The following EFHC2 variants were observed in gnomAD, a reference collection of about 807,000 sequenced individuals.
The protein encoded by EFHC2 is EF-hand domain containing 2, also known as EF-hand domain-containing family member C2.
EFHC2 carries 18 observed loss-of-function variants against 52.7 expected under a neutral mutation model. The observed-to-expected ratio is 0.34, with a 90% CI of 0.24 to 0.51. EFHC2 has a LOEUF of 0.51. EFHC2 is among the 20% of genes least tolerant of loss of function. The pLI is 0.97. For synonymous variants in EFHC2, 203 were observed against 204.1 expected (o/e 0.99, Z 0.04); for missense variants, 513 against 562.5 (o/e 0.91, Z 0.89).
At chrX:44,209,525 A>ATT (rs2037078481) in intron 11 of EFHC2, among the ~76,000 whole-genome samples, 1 of 111,497 alleles carries the variant, frequency 9.0e-6, no homozygotes, top group African/African-American at 3.3e-5. Context: ...ATTTCTATAT[A>ATT]TTAGCAATAT....
chrX:44,207,531 G>A (rs897213042), intron 11 of EFHC2, among the ~76,000 whole-genome samples: 1 of 111,124 alleles, frequency 9.0e-6, no homozygotes, highest in African/African-American at 3.3e-5. Context: ...AAAAAGAAAG[G>A]CTTAAATGTA....
chrX:44,166,409 T>C (rs959503584), intron 13 of EFHC2, among the ~76,000 whole-genome samples: 9 of 111,488 alleles, frequency 8.1e-5, no homozygotes, highest in South Asian at 3.9e-4. Flanking sequence ...CTAACTGAGA[T>C]GAGAAAGACT....
chrX:44,292,435 T>C (rs1314705835), intron 2 of EFHC2, among the ~76,000 whole-genome samples: 1 of 111,858 alleles, frequency 8.9e-6, no homozygotes, highest in Non-Finnish European at 1.9e-5. Flanking sequence ...TGTACTATTT[T>C]TAATGATTTT....
intron 13 of EFHC2, among the ~76,000 whole-genome samples, chrX:44,172,065 T>C (rs2036750179): frequency 1.8e-5 from 2 of 111,945 alleles, no homozygotes; most frequent in Non-Finnish European, 3.8e-5. Context: ...GGGTAGACTA[T>C]AATGAGATGA....
intron 1 of EFHC2, among the ~76,000 whole-genome samples, chrX:44,315,301 C>CT (rs1298402904): frequency 3.4e-4 from 36 of 105,785 alleles, no homozygotes; most frequent in Middle Eastern, 4.9e-3. Flanking sequence ...CCAATTAAGC[C>CT]TTTTTTTTTT....
chrX:44,266,354 TA>T (rs1432755617), intron 3 of EFHC2, among the ~76,000 whole-genome samples: 28 of 110,736 alleles, frequency 2.5e-4, no homozygotes, highest in African/African-American at 8.9e-4. Context: ...TTTTTTTTTT[TA>T]AATTTTTTTA....
At chrX:44,168,396 T>G (rs902909517) in intron 13 of EFHC2, among the ~76,000 whole-genome samples, 9 of 110,672 alleles carry the variant, frequency 8.1e-5, no homozygotes, top group Admixed American at 5.7e-4. Flanking sequence ...GCTGGGCGTG[T>G]TGGTGGGCAC....
intron 11 of EFHC2, among the ~76,000 whole-genome samples, chrX:44,219,879 G>T (rs1460182545): frequency 9.0e-6 from 1 of 111,393 alleles, no homozygotes; most frequent in African/African-American, 3.3e-5. Context: ...CTTGACTTTT[G>T]CTCAGAACAT....
chrX:44,328,590 C>A (rs1303740423), intron 1 of EFHC2, among the ~76,000 whole-genome samples: 5 of 112,091 alleles, frequency 4.5e-5, no homozygotes, highest in Non-Finnish European at 7.5e-5. Context: ...TGACCCCCAC[C>A]TTTTTCTGCA....
intron 11 of EFHC2, among the ~76,000 whole-genome samples, chrX:44,219,124 C>A: frequency 4.2e-5 from 3 of 71,578 alleles, no homozygotes; most frequent in African/African-American, 1.7e-4. Context: ...AATTCTAGAA[C>A]AGAGAAAAAC....
intron 11 of EFHC2, among the ~76,000 whole-genome samples, chrX:44,222,162 T>C (rs73481100): frequency 9.0e-6 from 1 of 111,553 alleles, no homozygotes; most frequent in African/African-American, 3.3e-5. Flanking sequence ...AGGTGCCTTA[T>C]ATGATCTAAT....
intron 10 of EFHC2, among the ~76,000 whole-genome samples, chrX:44,230,821 A>C (rs1194484382): frequency 3.6e-5 from 4 of 111,731 alleles, no homozygotes; most frequent in Non-Finnish European, 1.9e-5. Flanking sequence ...AGCAACACTG[A>C]TTGAGCTTAC....
intron 3 of EFHC2, among the ~76,000 whole-genome samples, chrX:44,268,697 T>C (rs1337821322): frequency 1.8e-5 from 2 of 112,057 alleles, no homozygotes; most frequent in East Asian, 5.6e-4. Context: ...GTAAGTAAAA[T>C]AGATGTCCAC....
chrX:44,328,974 A>G (rs966764151), intron 1 of EFHC2, among the ~76,000 whole-genome samples: 3 of 111,590 alleles, frequency 2.7e-5, no homozygotes, highest in African/African-American at 9.8e-5. Context: ...ATTTTTAATA[A>G]ATCTCTGCTT....
chrX:44,212,552 G>GGGGGA (rs1381077827), intron 11 of EFHC2, among the ~76,000 whole-genome samples: 1 of 110,272 alleles, frequency 9.1e-6, no homozygotes, highest in East Asian at 2.9e-4. Context: ...ATCTAGAGTA[G>GGGGGA]GGGGAGGGGA....
intron 2 of EFHC2, among the ~76,000 whole-genome samples, chrX:44,279,249 C>T (rs1448826110): frequency 8.9e-6 from 1 of 111,974 alleles, no homozygotes; most frequent in Non-Finnish European, 1.9e-5. Flanking sequence ...GAGGCTGAGG[C>T]AGGAGAATTG....
At chrX:44,191,696 TG>T (rs1012598568) in intron 11 of EFHC2, among the ~76,000 whole-genome samples, 1 of 112,187 alleles carries the variant, frequency 8.9e-6, no homozygotes, top group Non-Finnish European at 1.9e-5. Context: ...AAGGGAAAAT[TG>T]GTTTCATTAT....
At chrX:44,243,054 A>G (rs749873579) in intron 7 of EFHC2, among the ~76,000 whole-genome samples, 1 of 111,869 alleles carries the variant, frequency 8.9e-6, no homozygotes, top group Non-Finnish European at 1.9e-5. Flanking sequence ...TTATATACTT[A>G]TCATCTGTGA....
intron 1 of EFHC2, among the ~76,000 whole-genome samples, chrX:44,313,438 C>T (rs1184675858): frequency 9.0e-6 from 1 of 111,476 alleles, no homozygotes; most frequent in Admixed American, 9.6e-5. Flanking sequence ...TGTGGCAATA[C>T]GAGCAAAGAG....
Sources: allele counts gnomAD v4.1 joint callset (sites outside exome capture counted in the v4.1 genomes callset), GRCh38; gene constraint gnomAD v4.1.1; transcripts MANE v1.5; gene names NCBI Gene and HGNC (gene_info 2026-07-23, HGNC 2026-07-21).